Variants in LMX1A observed in about 807,000 individuals in gnomAD.
LMX1A encodes the protein LIM homeobox transcription factor 1 alpha, also known as LIM homeobox transcription factor 1-alpha.
Under a neutral mutation model 49.1 loss-of-function variants are expected in LMX1A, and 15 were observed. The ratio of observed to expected loss-of-function variants is 0.31; its 90% CI spans 0.20 to 0.47. The LOEUF (loss-of-function observed/expected upper bound fraction) is 0.47, where lower values mean the gene tolerates loss of function less well. Among genes scored for constraint, LMX1A ranks in the 20% least tolerant of loss-of-function variants. The pLI, the probability that LMX1A is intolerant of heterozygous loss-of-function variation, is 1.00. For missense variants in LMX1A, 372 were observed against 475.8 expected (o/e 0.78, Z 2.03); for synonymous variants, 167 against 185.7 (o/e 0.90, Z 0.82).
chr1:165,221,779 C>A (rs1254047915), intron 4 of LMX1A, among the ~76,000 whole-genome samples: 1 of 152,128 alleles, frequency 6.6e-6, no homozygotes, highest in Non-Finnish European at 1.5e-5. Context: ...TTGTGCTTGG[C>A]AGGTATTCAG....
At chr1:165,299,360 G>T (rs1654709459) in intron 3 of LMX1A, among the ~76,000 whole-genome samples, 1 of 152,218 alleles carries the variant, frequency 6.6e-6, no homozygotes, top group Non-Finnish European at 1.5e-5. Flanking sequence ...GCTGTTTGGG[G>T]ATCAGGAAGG....
chr1:165,236,150 A>C (rs1377568802), intron 4 of LMX1A, among the ~76,000 whole-genome samples: 2 of 152,056 alleles, frequency 1.3e-5, no homozygotes, highest in African/African-American at 4.8e-5. Context: ...TGTAATTCAA[A>C]CTGTTGTGAG....
chr1:165,280,380 C>T (rs1175976935), intron 3 of LMX1A, among the ~76,000 whole-genome samples: 1 of 152,148 alleles, frequency 6.6e-6, no homozygotes, highest in East Asian at 1.9e-4. Context: ...CCAAAGCACC[C>T]CACCCTGATG....
At chr1:165,252,162 C>T (rs894923194) in intron 3 of LMX1A, among the ~76,000 whole-genome samples, 1 of 152,166 alleles carries the variant, frequency 6.6e-6, no homozygotes, top group Non-Finnish European at 1.5e-5. Flanking sequence ...AGAACAAGGC[C>T]TATGGAATAT....
intron 3 of LMX1A, among the ~76,000 whole-genome samples, chr1:165,343,449 A>C (rs113350459): frequency 6.6e-6 from 1 of 151,916 alleles, no homozygotes; most frequent in Non-Finnish European, 1.5e-5. Context: ...AATCCTGTAG[A>C]GTACTCTACA....
At chr1:165,232,225 G>C (rs769485331) in intron 4 of LMX1A, among the ~76,000 whole-genome samples, 23 of 150,662 alleles carry the variant, frequency 1.5e-4, no homozygotes, top group Non-Finnish European at 2.2e-4. Flanking sequence ...TTGCCACTTT[G>C]AAGGAGATCT....
At chr1:165,320,535 G>A (rs1390203153) in intron 3 of LMX1A, among the ~76,000 whole-genome samples, 1 of 152,184 alleles carries the variant, frequency 6.6e-6, no homozygotes, top group Non-Finnish European at 1.5e-5. Flanking sequence ...CTGGCCATAT[G>A]GGTCTTCTCA....
chr1:165,265,628 T>C (rs906398247), intron 3 of LMX1A, among the ~76,000 whole-genome samples: 1 of 152,208 alleles, frequency 6.6e-6, no homozygotes, highest in Non-Finnish European at 1.5e-5. Context: ...CATTGCACTG[T>C]ACCAATGAGA....
Position 165,217,703 on chromosome 1 carries a change from C to T in LMX1A, c.497-3890G>A, listed in dbSNP as rs544929060. Among the ~76,000 whole-genome samples the T allele has an allele frequency of 6.6e-5, 10 of 152,192 alleles. No homozygotes were observed. The South Asian group carries it at 1.7e-3, about 25-fold the overall frequency. On this transcript the variant is annotated intron_variant, in intron 4 of 8. Transcript: ENST00000342310. ...GGTTTCACAGCCCTTGAATACTGTCCGCATTTGGTTGAAAAAAATCCACAT... is the reference window on the plus strand; with the variant it reads ...GGTTTCACAGCCCTTGAATACTGTCTGCATTTGGTTGAAAAAAATCCACAT...
At chr1:165,280,832 C>A (rs137961236) in intron 3 of LMX1A, among the ~76,000 whole-genome samples, 64 of 152,226 alleles carry the variant, frequency 4.2e-4, no homozygotes, top group African/African-American at 1.5e-3. Context: ...ACCACCCCAC[C>A]CCCACCGCAT....
intron 3 of LMX1A, among the ~76,000 whole-genome samples, chr1:165,263,130 G>A (rs545731784): frequency 7.2e-5 from 11 of 151,982 alleles, no homozygotes; most frequent in Admixed American, 2.0e-4. Context: ...ATCTATGCTC[G>A]CTCCCCTTAG....
intron 5 of LMX1A, chr1:165,210,992 TA>T (rs11344338): frequency 0.076 from 33,126 of 437,640 alleles, 1,650 homozygotes; most frequent in Non-Finnish European, 0.095. Flanking sequence ...TAATAATTAT[TA>T]ATTTACATGT....
In LMX1A at chr1:165,279,284, A is replaced by G. The variant is rs146491215; in HGVS notation, c.264-29644T>C. Reference sequence around the variant, plus strand: ...CCAGTGGGAAGAGGCCTCGTCCCCAATAACTGCCTCTGCGGTCAGCAAGCA... The same window carrying G: ...CCAGTGGGAAGAGGCCTCGTCCCCAGTAACTGCCTCTGCGGTCAGCAAGCA... On this transcript the variant is annotated intron_variant, in intron 3 of 8. Transcript: ENST00000342310. Among the ~76,000 whole-genome samples the G allele has an allele frequency of 1.7e-3, 261 of 152,318 alleles. 2 individuals carry two copies. Among genetic ancestry groups the G allele is most frequent in the African/African-American group, 5.7e-3 (237 of 41,568 alleles).
At chr1:165,227,404 G>A (rs1038415605) in intron 4 of LMX1A, among the ~76,000 whole-genome samples, 1 of 152,144 alleles carries the variant, frequency 6.6e-6, no homozygotes, top group African/African-American at 2.4e-5. Flanking sequence ...AGCTGGGTAT[G>A]TTGGCACACA....
At chr1:165,349,933 T>A (rs1370891199) in intron 3 of LMX1A, among the ~76,000 whole-genome samples, 1 of 152,178 alleles carries the variant, frequency 6.6e-6, no homozygotes, top group Non-Finnish European at 1.5e-5. Flanking sequence ...ATAAACTTGC[T>A]TTGTTAATAT....
intron 3 of LMX1A, among the ~76,000 whole-genome samples, chr1:165,327,595 A>G (rs1240557682): frequency 6.6e-6 from 1 of 152,220 alleles, no homozygotes; most frequent in African/African-American, 2.4e-5. Flanking sequence ...CACTGCCCTG[A>G]ACAACCAGCA....
intron 3 of LMX1A, among the ~76,000 whole-genome samples, chr1:165,274,390 C>G (rs1571194674): frequency 6.6e-6 from 1 of 152,188 alleles, no homozygotes; most frequent in East Asian, 1.9e-4. Flanking sequence ...TTTGCACCCT[C>G]AGAACATAGT....
chr1:165,275,790 G>T (rs1372154261), intron 3 of LMX1A, among the ~76,000 whole-genome samples: 1 of 151,958 alleles, frequency 6.6e-6, no homozygotes, highest in African/African-American at 2.4e-5. Flanking sequence ...CAACTGGGAG[G>T]ACTGTGCTCT....
chr1:165,252,806 C>G (rs951490093), intron 3 of LMX1A, among the ~76,000 whole-genome samples: 2 of 152,164 alleles, frequency 1.3e-5, no homozygotes, highest in African/African-American at 4.8e-5. Context: ...GCTAATGAGC[C>G]CCACCCTGGC....
Sources: gnomAD v4.1 joint callset for allele counts (sites outside exome capture counted in the v4.1 genomes callset) on GRCh38, gnomAD v4.1.1 for gene constraint, MANE v1.5 for transcripts, NCBI Gene and HGNC (gene_info 2026-07-23, HGNC 2026-07-21) for gene names.